The following PLAC1 variants were observed in gnomAD, a reference collection of about 807,000 sequenced individuals.
The protein encoded by PLAC1 is placenta-specific protein 1.
For missense variants in PLAC1, 136 were observed against 163.2 expected (o/e 0.83, Z 0.91); for synonymous variants, 68 against 62.1 (o/e 1.09, Z -0.44).
chrX:134,620,695 A>G (rs2078206492), intron 1 of PLAC1, among the ~76,000 whole-genome samples: 2 of 111,901 alleles, frequency 1.8e-5, no homozygotes. Flanking sequence ...GGAGCCTCGA[A>G]AGATTCAAAT....
chrX:134,706,511 C>T (rs911380698), intron 2 of PLAC1, among the ~76,000 whole-genome samples: 5 of 111,953 alleles, frequency 4.5e-5, no homozygotes, highest in African/African-American at 1.6e-4. Context: ...CCCAAAATGT[C>T]AAAGTTGAAT....
chrX:134,764,048 T>C (rs757842579), intron 1 of PLAC1, among the ~76,000 whole-genome samples: 1 of 111,546 alleles, frequency 9.0e-6, no homozygotes, highest in African/African-American at 3.3e-5. Flanking sequence ...TTGGGCCATA[T>C]CTGGCTATGG....
Position 134,666,839 on chromosome X carries a change from T to C in PLAC1, n.175-64717A>G, listed in dbSNP as rs772795449. ...AGGCCCTCCATATCTGATCATTCTT[T>C]TCTGTCAGTTAAAAATGTTGTGGAC... is the stretch of plus-strand genomic sequence containing the variant. On this transcript the variant is annotated intron_variant and non_coding_transcript_variant, in intron 2 of 2. Transcript: ENST00000466797. Among the ~76,000 whole-genome samples, 310 of 111,727 alleles carry C rather than the reference T, an allele frequency of 2.8e-3. 1 individual carries two copies. The highest frequency in any genetic ancestry group is 9.6e-3 in the African/African-American group (296 of 30,727).
intron 2 of PLAC1, among the ~76,000 whole-genome samples, chrX:134,665,727 G>A (rs1407492519): frequency 9.0e-6 from 1 of 111,346 alleles, no homozygotes; most frequent in African/African-American, 3.3e-5. Flanking sequence ...AGTGCAAGAG[G>A]TTTAGCGGGA....
chrX:134,619,086 G>A (rs947596421), intron 1 of PLAC1, among the ~76,000 whole-genome samples: 5 of 111,999 alleles, frequency 4.5e-5, no homozygotes, highest in African/African-American at 1.6e-4. Context: ...GCAATTGACA[G>A]AGACAAAGCC....
intron 2 of PLAC1, among the ~76,000 whole-genome samples, chrX:134,711,221 G>A (rs762671076): frequency 1.8e-5 from 2 of 111,814 alleles, no homozygotes; most frequent in South Asian, 7.5e-4. Flanking sequence ...GGACAGCTCG[G>A]AGAAAGGGAA....
At chrX:134,720,617 GGAT>G (rs1405900655) in intron 2 of PLAC1, among the ~76,000 whole-genome samples, 1 of 111,651 alleles carries the variant, frequency 9.0e-6, no homozygotes, top group Non-Finnish European at 1.9e-5. Context: ...GAAATTCTTA[GGAT>G]GATAGGACAA....
At position 134,742,763 on chromosome X, in the gene PLAC1, C is replaced by T. The variant is rs752685293; in HGVS notation, n.90-9244G>A. Among the ~76,000 whole-genome samples, 6 of 110,852 alleles carry T rather than the reference C, an allele frequency of 5.4e-5. No individual in the cohort carries two copies. In the South Asian group the frequency reaches 2.4e-3, roughly 43 times the overall value. Reference sequence around the variant, plus strand: ...TTGATGACTCCTCTGTCCCCTCCTGCATTGGAATCCTCAAATGTGTGTGTT... The same window carrying T: ...TTGATGACTCCTCTGTCCCCTCCTGTATTGGAATCCTCAAATGTGTGTGTT... On this transcript the variant is annotated intron_variant and non_coding_transcript_variant, in intron 1 of 2. Coordinates refer to the PLAC1 transcript ENST00000466797.
At chrX:134,624,086 C>T (rs988268760) in intron 1 of PLAC1, among the ~76,000 whole-genome samples, 1 of 111,282 alleles carries the variant, frequency 9.0e-6, no homozygotes, top group South Asian at 3.8e-4. Context: ...ACATGCAGAT[C>T]GAGGGCCAGG....
At chrX:134,710,835 G>A (rs1213361745) in intron 2 of PLAC1, among the ~76,000 whole-genome samples, 1 of 111,105 alleles carries the variant, frequency 9.0e-6, no homozygotes, top group Non-Finnish European at 1.9e-5. Context: ...AAGAATGGAA[G>A]ACACAGTAAA....
At chrX:134,646,403 A>T (rs953217674) in intron 1 of PLAC1, among the ~76,000 whole-genome samples, 1 of 112,608 alleles carries the variant, frequency 8.9e-6, no homozygotes, top group Non-Finnish European at 1.9e-5. Context: ...AGGATTCTAC[A>T]AGATAAGCTA....
chrX:134,566,730 A>C lies in PLAC1; in HGVS notation c.-48T>G, dbSNP rs936310876. 9.7e-7 allele frequency: 1 copy of C among 1,035,709 alleles called. No individual in the cohort carries two copies. The highest frequency in any genetic ancestry group is 2.5e-5 in the Admixed American group (1 of 39,496). 85.4% of individuals were successfully genotyped at this position (1,035,709 alleles called of 1,213,427 possible). On this transcript the variant is annotated 5_prime_UTR_variant, in exon 3 of 3. Transcript: ENST00000359237. ...AACCACAGGAAACAGGAAGCCGTCC[A>C]GTGAGGATTTCTAGAGCACAAAAAA...
chrX:134,698,522 CTTA>C (rs1332444949), intron 2 of PLAC1, among the ~76,000 whole-genome samples: 7 of 112,114 alleles, frequency 6.2e-5, no homozygotes, highest in Admixed American at 1.9e-4. Flanking sequence ...GTCCAGTCAT[CTTA>C]TTAGGATAAA....
chrX:134,625,798 C>G (rs1273414406), intron 1 of PLAC1, among the ~76,000 whole-genome samples: 1 of 110,804 alleles, frequency 9.0e-6, no homozygotes, highest in Non-Finnish European at 1.9e-5. Context: ...TTTCCACAGG[C>G]AAGTGTCCCC....
chrX:134,697,613 A>T (rs192856033), intron 2 of PLAC1, among the ~76,000 whole-genome samples: 32 of 112,270 alleles, frequency 2.9e-4, no homozygotes, highest in African/African-American at 9.1e-4. Flanking sequence ...CACACCTATA[A>T]TCCCAGCAGT....
chrX:134,656,484 C>T (rs2078392137), intron 1 of PLAC1, among the ~76,000 whole-genome samples: 1 of 112,325 alleles, frequency 8.9e-6, no homozygotes, highest in Non-Finnish European at 1.9e-5. Context: ...TTCTTATTCA[C>T]AGCAGCACCC....
At chrX:134,618,081 C>T (rs1198432378) in intron 1 of PLAC1, among the ~76,000 whole-genome samples, 1 of 112,174 alleles carries the variant, frequency 8.9e-6, no homozygotes, top group Non-Finnish European at 1.9e-5. Context: ...ACCAATTGTT[C>T]CTCCCTTTTC....
chrX:134,672,712 A>T (rs1226669314), intron 2 of PLAC1, among the ~76,000 whole-genome samples: 1 of 113,000 alleles, frequency 8.8e-6, no homozygotes, highest in Non-Finnish European at 1.9e-5. Context: ...TTTGAAAAAA[A>T]ATCCACAATA....
rs1490503787 is a variant in PLAC1, at chrX:134,566,257, C to T, written c.426G>A (p.Lys142=). 1.7e-6 allele frequency: 2 copies of T among 1,210,175 alleles called. No individual in the cohort carries two copies. The highest frequency in any genetic ancestry group is 1.7e-5 in the African/African-American group (1 of 57,234). The change falls in exon 3 of 3, where the codon AAG becomes AAA. Residue 142 remains lysine (K), a synonymous_variant. Transcript: ENST00000359237. ...VASKSRATAQ[K]DEKCYEVFSL... Reference sequence around the variant, plus strand: ...TGAACACCTCGTAGCATTTCTCATCCTTCTGGGCTGTGGCCCTGCTCTTGC... The same window carrying T: ...TGAACACCTCGTAGCATTTCTCATCTTTCTGGGCTGTGGCCCTGCTCTTGC...
Sources: gnomAD v4.1 joint callset for allele counts (sites outside exome capture counted in the v4.1 genomes callset) on GRCh38, gnomAD v4.1.1 for gene constraint, MANE v1.5 for transcripts, NCBI Gene and HGNC (gene_info 2026-07-23, HGNC 2026-07-21) for gene names.